Variants in CEP128 observed in about 807,000 individuals in gnomAD.
The protein encoded by CEP128 is centrosomal protein 128kDa.
Under a neutral mutation model 156.7 loss-of-function variants are expected in CEP128, and 132 were observed. That is an observed-to-expected ratio of 0.84 (90% CI 0.73 to 0.97). The LOEUF (loss-of-function observed/expected upper bound fraction) is 0.97, where lower values mean the gene tolerates loss of function less well. Among genes scored for constraint, CEP128 ranks in the 50% least tolerant of loss-of-function variants. CEP128 has a pLI of 0.00. For missense variants in CEP128, 1,252 were observed against 1,281.9 expected, an observed-to-expected ratio of 0.98 and a Z score of 0.36; for synonymous variants, 469 against 448.9, an observed-to-expected ratio of 1.04 and a Z score of -0.57.
At chr14:80,581,522 T>G (rs969685539) in intron 19 of CEP128, among the ~76,000 whole-genome samples, 4 of 152,082 alleles carry the variant, frequency 2.6e-5, no homozygotes, top group Non-Finnish European at 5.9e-5. Flanking sequence ...ACAGAACTGA[T>G]TGTGATGACC....
chr14:80,669,365 G>C (rs1035420063), intron 19 of CEP128, among the ~76,000 whole-genome samples: 1 of 152,038 alleles, frequency 6.6e-6, no homozygotes, highest in Admixed American at 6.6e-5. Context: ...AATCAAAATA[G>C]TAAGTAGACA....
At chr14:80,760,396 T>C (rs1899899611) in intron 17 of CEP128, among the ~76,000 whole-genome samples, 1 of 152,052 alleles carries the variant, frequency 6.6e-6, no homozygotes, top group Non-Finnish European at 1.5e-5. Context: ...GAATTAGTTA[T>C]ATTTTCCTTT....
At chr14:80,903,176 AGAG>A (rs1883680150) in intron 6 of CEP128, among the ~76,000 whole-genome samples, 1 of 152,142 alleles carries the variant, frequency 6.6e-6, no homozygotes, top group Non-Finnish European at 1.5e-5. Context: ...ATCTACGAAC[AGAG>A]GAGAAAACCC....
chr14:80,603,949 T>C (rs1892679614), intron 19 of CEP128, among the ~76,000 whole-genome samples: 1 of 152,188 alleles, frequency 6.6e-6, no homozygotes, highest in Non-Finnish European at 1.5e-5. Flanking sequence ...TAGGAATCAA[T>C]TCAGTGAAAT....
intron 8 of CEP128, among the ~76,000 whole-genome samples, chr14:80,879,905 T>G (rs936497374): frequency 6.6e-6 from 1 of 152,140 alleles, no homozygotes. Flanking sequence ...CAAAGACAAT[T>G]AAGAGTAGTA....
At chr14:80,879,437 TTC>T (rs1179345230) in intron 8 of CEP128, among the ~76,000 whole-genome samples, 1 of 151,284 alleles carries the variant, frequency 6.6e-6, no homozygotes, top group African/African-American at 2.4e-5. Context: ...AAATAGACAA[TTC>T]AGTAAAAACA....
intron 20 of CEP128, among the ~76,000 whole-genome samples, chr14:80,578,802 T>C (rs1412248905): frequency 1.3e-5 from 2 of 152,348 alleles, no homozygotes; most frequent in East Asian, 3.9e-4. Context: ...TTCTGGACTC[T>C]TGTGCATTCC....
chr14:80,548,059 C>A (rs573666843), intron 21 of CEP128, among the ~76,000 whole-genome samples: 21 of 152,046 alleles, frequency 1.4e-4, no homozygotes, highest in Non-Finnish European at 2.9e-4. Flanking sequence ...CTCGGCCTCC[C>A]AAAGTGCTGG....
At chr14:80,588,946 G>C (rs556420643) in intron 19 of CEP128, among the ~76,000 whole-genome samples, 1 of 152,094 alleles carries the variant, frequency 6.6e-6, no homozygotes, top group African/African-American at 2.4e-5. Flanking sequence ...CTCACTTCAT[G>C]AAGTAGCCAT....
chr14:80,890,150 G>A (rs757600416), intron 8 of CEP128, among the ~76,000 whole-genome samples: 15 of 114,908 alleles, frequency 1.3e-4, no homozygotes, highest in Non-Finnish European at 2.1e-4. Context: ...ACAATGTGGA[G>A]AAATAGGAAC....
chr14:80,806,515 C>T (rs1884184173), intron 13 of CEP128, among the ~76,000 whole-genome samples: 1 of 152,146 alleles, frequency 6.6e-6, no homozygotes, highest in Non-Finnish European at 1.5e-5. Flanking sequence ...TTTCTGTTTT[C>T]TTAATTTATC....
At chr14:80,792,232 G>A (rs1416741814) in intron 14 of CEP128, among the ~76,000 whole-genome samples, 1 of 152,200 alleles carries the variant, frequency 6.6e-6, no homozygotes, top group Non-Finnish European at 1.5e-5. Flanking sequence ...AGAGGGTTGT[G>A]ATCCCATAAC....
rs775836832 is a variant in CEP128, at chr14:80,785,032, C to T, written c.2074G>A (p.Val692Met). 3.7e-6 allele frequency: 6 copies of T among 1,614,092 alleles called. No homozygotes were observed. The South Asian group carries it at 5.5e-5, about 15-fold the overall frequency. The change falls in exon 15 of 25, where the codon GTG (valine) becomes ATG (methionine). Residue 692 changes from valine to methionine, a missense_variant. By Grantham distance (21) the Val-to-Met change is conservative (BLOSUM62 1). Coordinates refer to ENST00000555265, the MANE Select transcript of CEP128 (RefSeq NM_152446.5). Reference sequence around the variant, plus strand: ...AGATCTTTCAGCTCCCTCTGGTGCACATCTCGTTCCAGCTTTAACTGTGTG... The same window carrying T: ...AGATCTTTCAGCTCCCTCTGGTGCATATCTCGTTCCAGCTTTAACTGTGTG... ...IITQLKLERDVHQRELKDLTS... is the reference protein window; with the variant it reads ...IITQLKLERDMHQRELKDLTS...
At chr14:80,530,634 T>C (rs1226926206) in intron 22 of CEP128, among the ~76,000 whole-genome samples, 175 bp downstream of exon 22, 1 of 152,234 alleles carries the variant, frequency 6.6e-6, no homozygotes, top group Non-Finnish European at 1.5e-5. Flanking sequence ...TAAGTTGCAT[T>C]GTTTTCAATT....
chr14:80,676,038 T>C (rs1170838196), intron 19 of CEP128, among the ~76,000 whole-genome samples: 1 of 152,138 alleles, frequency 6.6e-6, no homozygotes, highest in African/African-American at 2.4e-5. Context: ...TACTTGTTAA[T>C]CTACACATTC....
intron 13 of CEP128, among the ~76,000 whole-genome samples, chr14:80,795,991 G>C (rs1458173173): frequency 6.6e-6 from 1 of 152,050 alleles, no homozygotes; most frequent in Non-Finnish European, 1.5e-5. Flanking sequence ...ACCAACAAAA[G>C]CACTTTCCTC....
chr14:80,726,880 G>A lies in CEP128; in HGVS notation c.2806+16195C>T, dbSNP rs143315317. Among the ~76,000 whole-genome samples, 384 of 152,248 alleles carry A rather than the reference G, an allele frequency of 2.5e-3. 3 individuals are homozygous for A. The highest frequency in any genetic ancestry group is 8.9e-3 in the African/African-American group (371 of 41,552). On this transcript the variant is annotated intron_variant, in intron 19 of 24. Coordinates refer to ENST00000555265, the MANE Select transcript of CEP128 (RefSeq NM_152446.5). ...AACTTTGGAAGTGAGTTGCTGGAAG[G>A]TGAACAAAATATTTGAGAACTGGAA... is the stretch of plus-strand genomic sequence containing the variant.
At chr14:80,835,599 T>C (rs1181071343) in intron 12 of CEP128, among the ~76,000 whole-genome samples, 6 of 152,192 alleles carry the variant, frequency 3.9e-5, no homozygotes, top group Non-Finnish European at 1.5e-5. Context: ...AATATTATCA[T>C]TATTAAACCT....
chr14:80,533,614 A>G (rs1889334900), intron 21 of CEP128, among the ~76,000 whole-genome samples: 1 of 149,992 alleles, frequency 6.7e-6, no homozygotes, highest in South Asian at 2.1e-4. Flanking sequence ...ATTTTGAAAA[A>G]CTCCTTGACT....
Sources: allele counts gnomAD v4.1 joint callset (sites outside exome capture counted in the v4.1 genomes callset), GRCh38; gene constraint gnomAD v4.1.1; transcripts MANE v1.5; gene names NCBI Gene and HGNC (gene_info 2026-07-23, HGNC 2026-07-21).